The following ADCY7 variants were observed in gnomAD, a reference collection of about 807,000 sequenced individuals.
ADCY7 encodes adenylate cyclase type 7.
Under a neutral mutation model 120.6 loss-of-function variants are expected in ADCY7, and 72 were observed. The ratio of observed to expected loss-of-function variants is 0.60; its 90% CI spans 0.49 to 0.73. The LOEUF (loss-of-function observed/expected upper bound fraction) is 0.73. ADCY7 is among the 30% of genes least tolerant of loss of function. The probability of loss-of-function intolerance (pLI) is 0.00; values close to 1 mark genes in which losing one functional copy is unlikely to be tolerated. For synonymous variants in ADCY7, 661 were observed against 628.0 expected, an observed-to-expected ratio of 1.05 and a Z score of -0.78; for missense variants, 1,227 against 1,486.0, an observed-to-expected ratio of 0.83 and a Z score of 2.87.
At chr16:50,308,281 G>A (rs1309391277) in intron 15 of ADCY7, 46 bp from the exon 16 acceptor site, 2 of 1,613,874 alleles carry the variant, frequency 1.2e-6, no homozygotes, top group Non-Finnish European at 1.7e-6. Context: ...CGGTGGTCCT[G>A]GGCAGAAGGC....
chr16:50,292,060 C>T (rs1199739266), intron 4 of ADCY7, among the ~76,000 whole-genome samples, 163 bp downstream of exon 4: 1 of 152,228 alleles, frequency 6.6e-6, no homozygotes, highest in Non-Finnish European at 1.5e-5. Context: ...GGAAGCTGGG[C>T]TCCAGGCGTG....
intron 10 of ADCY7, chr16:50,301,631 G>A (rs1272552127): frequency 5.0e-6 from 1 of 200,344 alleles, no homozygotes; most frequent in South Asian, 8.5e-5. Context: ...GGAGCCACTG[G>A]GCAGGAGCCT....
intron 1 of ADCY7, chr16:50,274,135 T>A (rs1415000697): frequency 2.0e-5 from 3 of 152,106 alleles, no homozygotes; most frequent in Non-Finnish European, 4.4e-5. Flanking sequence ...GGAACCGAAA[T>A]CAGCCAAATC....
chr16:50,295,345 A>ATTTTTTTTTTTTTTTTTTTTTT (rs67137852), intron 7 of ADCY7, among the ~76,000 whole-genome samples: 2 of 82,738 alleles, frequency 2.4e-5, no homozygotes, highest in African/African-American at 4.8e-5. Context: ...CGCCTGGCTA[A>ATTTTTTTTTTTTTTTTTTTTTT]TTTTTTTTTT....
At chr16:50,295,430 A>G (rs1447769793) in intron 7 of ADCY7, among the ~76,000 whole-genome samples, 1 of 141,316 alleles carries the variant, frequency 7.1e-6, no homozygotes, top group East Asian at 2.0e-4. Context: ...CCTGACCTCA[A>G]GTGATCATCC....
chr16:50,306,657 C>T (rs2036086449), intron 14 of ADCY7, among the ~76,000 whole-genome samples: 2 of 152,178 alleles, frequency 1.3e-5, no homozygotes, highest in South Asian at 2.1e-4. Flanking sequence ...GACTTGGCTC[C>T]TGTCCATGTA....
At chr16:50,305,745 C>A (rs752111847) in intron 13 of ADCY7, 32 bp from the exon 14 acceptor site, 2 of 1,592,656 alleles carry the variant, frequency 1.3e-6, no homozygotes, top group Admixed American at 1.7e-5. Context: ...CCTTCCCAGC[C>A]CCCATCTCAC....
chr16:50,306,782 A>G (rs2036094848), intron 14 of ADCY7, among the ~76,000 whole-genome samples: 1 of 152,234 alleles, frequency 6.6e-6, no homozygotes, highest in Admixed American at 6.5e-5. Flanking sequence ...GGCGAAACTT[A>G]CCAAGTGTAA....
At chr16:50,273,490 A>T (rs1353012809) in intron 1 of ADCY7, among the ~76,000 whole-genome samples, 1 of 152,182 alleles carries the variant, frequency 6.6e-6, no homozygotes, top group Non-Finnish European at 1.5e-5. Context: ...CAGTGCCTGC[A>T]CCTGCTGCAG....
intron 1 of ADCY7, among the ~76,000 whole-genome samples, chr16:50,246,760 C>A (rs1407269278): frequency 6.6e-6 from 1 of 152,228 alleles, no homozygotes; most frequent in East Asian, 1.9e-4. Flanking sequence ...CGGACCCCAA[C>A]CGGGAAACCC....
intron 21 of ADCY7, 85 bp from the exon 22 acceptor site, chr16:50,312,805 A>T: frequency 7.6e-7 from 1 of 1,308,782 alleles, no homozygotes; most frequent in African/African-American, 1.6e-5. Context: ...GCAGTTCAGC[A>T]GTGCCATCTG....
At chr16:50,248,964 G>A (rs2032672151) in intron 1 of ADCY7, among the ~76,000 whole-genome samples, 1 of 152,190 alleles carries the variant, frequency 6.6e-6, no homozygotes, top group African/African-American at 2.4e-5. Flanking sequence ...GCTCATGGCG[G>A]TTGGGAAGCT....
At chr16:50,272,018 G>A (rs1479985707) in intron 1 of ADCY7, among the ~76,000 whole-genome samples, 1 of 152,192 alleles carries the variant, frequency 6.6e-6, no homozygotes, top group African/African-American at 2.4e-5. Context: ...TGGGCCTGAG[G>A]GAAAGGGAAG....
intron 1 of ADCY7, among the ~76,000 whole-genome samples, chr16:50,267,122 A>G (rs1294790295): frequency 6.6e-6 from 1 of 152,250 alleles, no homozygotes; most frequent in Non-Finnish European, 1.5e-5. Context: ...AACAAAAAAC[A>G]AACAAAACCT....
In ADCY7 at chr16:50,288,096, G is replaced by T; in HGVS notation, c.-84G>T. ...AGAGGACAGAGGCCTAGGCCCACGGGGGAGGGTGTTGGCAGACAGATGCCC... is the reference window on the plus strand; with the variant it reads ...AGAGGACAGAGGCCTAGGCCCACGGTGGAGGGTGTTGGCAGACAGATGCCC... On this transcript the variant is annotated 5_prime_UTR_variant, in exon 2 of 26. Transcript: ENST00000673801. The T allele has an allele frequency of 1.4e-6, 2 of 1,448,250 alleles. No homozygotes were observed. Among genetic ancestry groups the T allele is most frequent in the Non-Finnish European group, 1.8e-6 (2 of 1,089,246 alleles). The allele number at this position is 1,448,250 out of a possible 1,614,324, so 89.7% of individuals were successfully genotyped here. A position where few individuals can be genotyped will look rare whatever the true frequency, so the allele number is the denominator to read the frequency against.
chr16:50,304,825 T>C, intron 11 of ADCY7, 100 bp from the exon 12 acceptor site: 1 of 1,502,350 alleles, frequency 6.7e-7, no homozygotes, highest in Non-Finnish European at 9.3e-7. Context: ...CACCTTGTCC[T>C]GTGTATCAAG....
intron 1 of ADCY7, among the ~76,000 whole-genome samples, chr16:50,249,959 A>T (rs1358294250): frequency 6.6e-6 from 1 of 152,228 alleles, no homozygotes; most frequent in East Asian, 1.9e-4. Context: ...TTGGGCCTGG[A>T]GGACAAGAGC....
chr16:50,299,038 C>T lies in ADCY7; in HGVS notation c.1076+7C>T, dbSNP rs2035540503. On this transcript the variant is annotated splice_region_variant and intron_variant, in intron 8 of 25. Coordinates refer to ENST00000673801, the MANE Select transcript of ADCY7 (RefSeq NM_001114.5). Reference sequence around the variant, plus strand: ...ACATGTGCCAGGCCATCAAGTAGGTCCTGGGCGGGCCCAGGCCCTGGGTCC... The same window carrying T: ...ACATGTGCCAGGCCATCAAGTAGGTTCTGGGCGGGCCCAGGCCCTGGGTCC... 2 of 1,605,958 alleles carry T rather than the reference C, an allele frequency of 1.2e-6. No homozygotes were observed. Among genetic ancestry groups the T allele is most frequent in the Non-Finnish European group, 1.7e-6 (2 of 1,177,840 alleles).
At chr16:50,283,784 G>A (rs908762930) in intron 1 of ADCY7, among the ~76,000 whole-genome samples, 1 of 152,168 alleles carries the variant, frequency 6.6e-6, no homozygotes, top group Non-Finnish European at 1.5e-5. Context: ...AGTTCAGACA[G>A]GACCCATGCG....
Sources: gnomAD v4.1 joint callset for allele counts (sites outside exome capture counted in the v4.1 genomes callset) on GRCh38, gnomAD v4.1.1 for gene constraint, MANE v1.5 for transcripts, NCBI Gene and HGNC (gene_info 2026-07-23, HGNC 2026-07-21) for gene names.